The following HEATR4 variants were observed in gnomAD, a reference collection of about 807,000 sequenced individuals.
The protein encoded by HEATR4 is HEAT repeat-containing protein 4.
Under a neutral mutation model 108.8 loss-of-function variants are expected in HEATR4, and 95 were observed. That is an observed-to-expected ratio of 0.87 (90% CI 0.74 to 1.04). HEATR4 has a LOEUF of 1.04. HEATR4 is among the 50% of genes least tolerant of loss of function. The pLI is 0.00. For missense variants in HEATR4, 1,152 were observed against 1,253.8 expected (o/e 0.92, Z 1.23); for synonymous variants, 443 against 459.4 (o/e 0.96, Z 0.46).
chr14:73,569,917 T>C, the HEATR4 span: 1 of 1,584,754 alleles, frequency 6.3e-7, no homozygotes, highest in Non-Finnish European at 8.6e-7. Flanking sequence ...CCGTGTTCGT[T>C]CGCCTTTCAC....
rs779044673 is a variant in HEATR4, at chr14:73,521,051, T to C, written c.882-12A>G. The C allele has an allele frequency of 5.6e-6, 9 of 1,609,514 alleles. No homozygotes were observed. The highest frequency in any genetic ancestry group is 7.6e-6 in the Non-Finnish European group (9 of 1,177,248). On this transcript the variant is annotated splice_polypyrimidine_tract_variant and intron_variant, in intron 3 of 17. Transcript: ENST00000553558. ...AGTAACTGGGCAATCTTGGCAGGGG[T>C]GAGAAAGGAGGGAAAAGGGGGAAAG...
At chr14:73,481,225 G>C (rs1885242582) in intron 17 of HEATR4, among the ~76,000 whole-genome samples, 1 of 152,054 alleles carries the variant, frequency 6.6e-6, no homozygotes, top group Non-Finnish European at 1.5e-5. Flanking sequence ...GATCACTTGA[G>C]GTCAGGAGTT....
chr14:73,560,674 A>G (rs1889517795), upstream of HEATR4, among the ~76,000 whole-genome samples: 1 of 151,384 alleles, frequency 6.6e-6, no homozygotes, highest in African/African-American at 2.4e-5. Context: ...AAAAAAAAAA[A>G]AAGAAAATTA....
At chr14:73,569,363 G>C in the HEATR4 span, 1 of 1,613,978 alleles carries the variant, frequency 6.2e-7, no homozygotes, top group Non-Finnish European at 8.5e-7. Flanking sequence ...TGAAGAGTTC[G>C]GCGCAGTTCC....
the HEATR4 span, among the ~76,000 whole-genome samples, chr14:73,613,830 GTAGC>G: frequency 3.3e-5 from 5 of 152,040 alleles, no homozygotes; most frequent in African/African-American, 1.2e-4. Context: ...CTAGGTAAAG[GTAGC>G]CCAGAAAGAA....
intron 1 of HEATR4, chr14:73,537,568 C>T (rs1322529662): frequency 4.9e-6 from 6 of 1,213,708 alleles, no homozygotes; most frequent in South Asian, 1.4e-5. Context: ...TCCAGGCCCA[C>T]GCGCGCTACC....
At chr14:73,579,596 AAG>A in the HEATR4 span, among the ~76,000 whole-genome samples, 1 of 147,768 alleles carries the variant, frequency 6.8e-6, no homozygotes, top group Non-Finnish European at 1.5e-5. Flanking sequence ...AAAAAAAAAA[AAG>A]TAGAGATGGG....
At chr14:73,589,126 T>C in the HEATR4 span, among the ~76,000 whole-genome samples, 1 of 150,420 alleles carries the variant, frequency 6.6e-6, no homozygotes, top group Non-Finnish European at 1.5e-5. Context: ...TTAGGGTTCG[T>C]TTGTTCTACA....
At chr14:73,581,607 T>C in the HEATR4 span, 1 of 124,364 alleles carries the variant, frequency 8.0e-6, no homozygotes, top group Non-Finnish European at 1.7e-5. Context: ...GAGCTAATCA[T>C]TATTTAATGT....
chr14:73,556,641 A>T lies in HEATR4; in HGVS notation c.-152+2110T>A, dbSNP rs1174935347. ...TGTAAGGCCAAATTGTGCACTTCCC[A>T]GTCATGTTACCTTGGGCAAATAATT... On this transcript the variant is annotated intron_variant, in intron 1 of 17. Coordinates refer to ENST00000553558, the MANE Select transcript of HEATR4 (RefSeq NM_001220484.1). Among the ~76,000 whole-genome samples the T allele has an allele frequency of 1.8e-5, 2 of 113,766 alleles. 1 individual carries two copies. Among genetic ancestry groups the T allele is most frequent in the African/African-American group, 5.7e-5 (2 of 35,276 alleles). The allele number at this position is 113,766 out of a possible 152,430, so 74.6% of individuals were successfully genotyped here. A position where few individuals can be genotyped will look rare whatever the true frequency, so the allele number is the denominator to read the frequency against.
the HEATR4 span, chr14:73,612,762 G>T: frequency 7.3e-7 from 1 of 1,369,346 alleles, no homozygotes; most frequent in Non-Finnish European, 9.4e-7. Flanking sequence ...GACCTGGAGC[G>T]CGCGCCCGCG....
At chr14:73,483,520 C>T (rs974581943) in intron 17 of HEATR4, among the ~76,000 whole-genome samples, 3 of 152,022 alleles carry the variant, frequency 2.0e-5, no homozygotes. Flanking sequence ...ATGCCCCAAC[C>T]CTCAATTTAA....
chr14:73,598,231 A>C, the HEATR4 span, among the ~76,000 whole-genome samples: 2 of 147,028 alleles, frequency 1.4e-5, no homozygotes, highest in Non-Finnish European at 3.0e-5. Context: ...AAAAAAAAAA[A>C]AAAAAAAACA....
intron 17 of HEATR4, among the ~76,000 whole-genome samples, chr14:73,480,231 C>T (rs965737108): frequency 2.6e-5 from 4 of 152,090 alleles, no homozygotes; most frequent in South Asian, 2.1e-4. Context: ...CACTTGAGGT[C>T]GGGAGTTCAA....
the HEATR4 span, chr14:73,593,693 G>A: frequency 6.3e-7 from 1 of 1,590,684 alleles, no homozygotes; most frequent in South Asian, 1.1e-5. Context: ...ATAATATTTT[G>A]TTCTCTAGGA....
At chr14:73,496,960 G>A (rs557857070) in intron 14 of HEATR4, among the ~76,000 whole-genome samples, 23 of 152,052 alleles carry the variant, frequency 1.5e-4, no homozygotes, top group East Asian at 9.7e-4. Flanking sequence ...GCACGATCTC[G>A]TCTCGGCTCA....
rs796930642 is a variant in HEATR4, at chr14:73,497,632, C to CT, written c.2546+522dup. 4.0e-3 allele frequency among the ~76,000 whole-genome samples: 579 copies of CT among 146,338 alleles called. 7 individuals are homozygous for CT. The highest frequency in any genetic ancestry group is 0.012 in the African/African-American group (497 of 40,236). On this transcript the variant is annotated intron_variant, in intron 14 of 17. Coordinates refer to ENST00000553558, the MANE Select transcript of HEATR4 (RefSeq NM_001220484.1). ...ATATATGAATAACTTAAAACCCATC[C>CT]TTTTTTTTTTTGAGACGGAGTTTTG...
intron 17 of HEATR4, chr14:73,491,141 C>A: frequency 6.2e-7 from 1 of 1,607,972 alleles, no homozygotes; most frequent in Non-Finnish European, 8.5e-7. Context: ...GATACGAAAG[C>A]AGCTGCGAAG....
Position 73,522,787 on chromosome 14 carries a change from C to G in HEATR4, c.366G>C (p.Leu122=), listed in dbSNP as rs925164644. ...RPQKPVSFKF[L]GSSSPLTGDT... ...CTCCTGTTAAGGGACTTGAGGAACC[C>G]AGGAACTTGAAGCTAACAGGTTTCT... Residue 122 remains leucine, a synonymous_variant, in exon 3 of 18, where the codon CTG becomes CTC. Transcript: ENST00000553558. 1 of 1,614,052 alleles carries G rather than the reference C, an allele frequency of 6.2e-7. No individual in the cohort carries two copies. The highest frequency in any genetic ancestry group is 1.1e-5 in the South Asian group (1 of 91,078).
Sources: allele counts gnomAD v4.1 joint callset (sites outside exome capture counted in the v4.1 genomes callset), GRCh38; gene constraint gnomAD v4.1.1; transcripts MANE v1.5; gene names NCBI Gene and HGNC (gene_info 2026-07-23, HGNC 2026-07-21).